The following FBXO47 variants were observed in gnomAD, a reference collection of about 807,000 sequenced individuals.
The protein encoded by FBXO47 is F-box protein 47.
Under a neutral mutation model 53.9 loss-of-function variants are expected in FBXO47, and 34 were observed. The observed-to-expected ratio is 0.63, with a 90% CI of 0.48 to 0.84. FBXO47 has a LOEUF of 0.84. Among genes scored for constraint, FBXO47 ranks in the 40% least tolerant of loss-of-function variants. The pLI, the probability that FBXO47 is intolerant of heterozygous loss-of-function variation, is 0.00. For missense variants in FBXO47, 485 were observed against 541.3 expected (o/e 0.90, Z 1.03); for synonymous variants, 165 against 181.6 (o/e 0.91, Z 0.73).
intron 5 of FBXO47, among the ~76,000 whole-genome samples, chr17:38,952,461 T>C (rs964581303): frequency 6.6e-6 from 1 of 152,076 alleles, no homozygotes; most frequent in African/African-American, 2.4e-5. Flanking sequence ...TAAACAAAAC[T>C]TGGGAAGCTC....
At chr17:38,956,040 G>A (rs371374184) in intron 4 of FBXO47, among the ~76,000 whole-genome samples, 42 of 150,918 alleles carry the variant, frequency 2.8e-4, no homozygotes, top group African/African-American at 8.0e-4. Context: ...GGAGGCTGAG[G>A]CAGGAGAATG....
chr17:38,942,366 G>A (rs1456893209), intron 9 of FBXO47, among the ~76,000 whole-genome samples: 3 of 152,020 alleles, frequency 2.0e-5, no homozygotes, highest in African/African-American at 4.8e-5. Context: ...AGGCCAAGGC[G>A]GGCAGATCAT....
intron 1 of FBXO47, among the ~76,000 whole-genome samples, chr17:38,966,023 A>C (rs932570589): frequency 6.6e-6 from 1 of 152,184 alleles, no homozygotes; most frequent in Admixed American, 6.5e-5. Context: ...TTTAACAAAA[A>C]AGAGGGATCA....
intron 5 of FBXO47, among the ~76,000 whole-genome samples, chr17:38,953,031 C>T (rs944695120): frequency 1.1e-4 from 16 of 150,678 alleles, no homozygotes; most frequent in African/African-American, 3.7e-4. Context: ...AATCCTAGCA[C>T]TTTGGGAGGC....
At chr17:38,965,634 G>A (rs1179913415) in intron 1 of FBXO47, among the ~76,000 whole-genome samples, 1 of 150,174 alleles carries the variant, frequency 6.7e-6, no homozygotes, top group Non-Finnish European at 1.5e-5. Flanking sequence ...AGCACTTTGG[G>A]AGGCTGAGGC....
chr17:38,957,656 T>C (rs751421885), intron 3 of FBXO47, among the ~76,000 whole-genome samples: 6 of 151,958 alleles, frequency 3.9e-5, no homozygotes, highest in African/African-American at 7.2e-5. Flanking sequence ...GTTTTAAGAG[T>C]TGTTAATCTA....
intron 5 of FBXO47, among the ~76,000 whole-genome samples, chr17:38,952,315 C>G (rs538094087): frequency 6.6e-6 from 1 of 152,224 alleles, no homozygotes; most frequent in African/African-American, 2.4e-5. Flanking sequence ...GACAGAAACT[C>G]TGTCTCAAAA....
Position 38,936,519 on chromosome 17 carries a change from A to C in FBXO47, c.*656T>G, listed in dbSNP as rs1407786043. On this transcript the variant is annotated 3_prime_UTR_variant, in exon 11 of 11. Transcript: ENST00000378079. ...GATGATTTGATTGCATTGAGACAAT[A>C]TATACCTTCCTGTATGTATAGACCT... The C allele has an allele frequency of 3.3e-5, 5 of 152,160 alleles. No individual in the cohort carries two copies. Among genetic ancestry groups the C allele is most frequent in the Non-Finnish European group, 7.4e-5 (5 of 68,024 alleles). The allele number at this position is 152,160 out of a possible 1,614,324, so 9.4% of individuals were successfully genotyped here. A position where few individuals can be genotyped will look rare whatever the true frequency, so the allele number is the denominator to read the frequency against.
chr17:38,943,736 C>T lies in FBXO47; in HGVS notation c.794G>A (p.Gly265Glu), dbSNP rs752151784. 3.1e-6 allele frequency: 5 copies of T among 1,599,316 alleles called. No individual in the cohort carries two copies. In the East Asian group the frequency reaches 1.1e-4, roughly 36 times the overall value. The change falls in exon 8 of 11, where the codon GGA (glycine) becomes GAA (glutamate). Residue 265 changes from glycine (G) to glutamate (E), a missense_variant and splice_region_variant. Gly to Glu is a moderately conservative substitution (Grantham distance 98, BLOSUM62 -2). Transcript: ENST00000378079. ...IIFGPISPQDGQVVWQEMIEE... is the reference protein window; with the variant it reads ...IIFGPISPQDEQVVWQEMIEE... ...TATCATTTCCTGCCAAACCACCTGT[C>T]CTGAATTGAAACAAAAACGAGGCTA...
At chr17:38,944,013 C>G (rs1249292018) in intron 7 of FBXO47, among the ~76,000 whole-genome samples, 1 of 151,016 alleles carries the variant, frequency 6.6e-6, no homozygotes, top group Non-Finnish European at 1.5e-5. Context: ...GAAACCCTGT[C>G]TCTACTAAAA....
intron 3 of FBXO47, among the ~76,000 whole-genome samples, chr17:38,959,366 T>C (rs1266342028): frequency 6.6e-6 from 1 of 151,878 alleles, no homozygotes; most frequent in Non-Finnish European, 1.5e-5. Context: ...GCAGATCACT[T>C]GAGGACAGGA....
chr17:38,954,138 C>T (rs1905439360), intron 5 of FBXO47, among the ~76,000 whole-genome samples: 2 of 151,866 alleles, frequency 1.3e-5, no homozygotes, highest in African/African-American at 4.8e-5. Flanking sequence ...ACTAAAAATA[C>T]AAACAAATAA....
At position 38,945,154 on chromosome 17, in the gene FBXO47, T is replaced by C. The variant is rs1417257852; in HGVS notation, c.617-18A>G. The C allele has an allele frequency of 8.9e-6, 14 of 1,570,356 alleles. No individual in the cohort carries two copies. Among genetic ancestry groups the C allele is most frequent in the East Asian group, 2.2e-5 (1 of 44,512 alleles). On this transcript the variant is annotated intron_variant, in intron 6 of 10. Transcript: ENST00000378079. Reference sequence around the variant, plus strand: ...GGCACTTCCTATGAAGACAAAAGAATTGTAAATCATTCTTCGTAGAAAGGC... The same window carrying C: ...GGCACTTCCTATGAAGACAAAAGAACTGTAAATCATTCTTCGTAGAAAGGC...
chr17:38,946,225 T>C (rs1356450625), intron 6 of FBXO47, among the ~76,000 whole-genome samples: 1 of 109,708 alleles, frequency 9.1e-6, no homozygotes, highest in Non-Finnish European at 1.6e-5. Flanking sequence ...AAAATATATA[T>C]AAATATATAC....
At position 38,962,000 on chromosome 17, in the gene FBXO47, G is replaced by T. The variant is rs750141493; in HGVS notation, c.229C>A (p.His77Asn). Residue 77 changes from histidine (H) to asparagine (N), a missense_variant, in exon 3 of 11, where the codon CAC (histidine) becomes AAC (asparagine). Coordinates refer to ENST00000378079, the MANE Select transcript of FBXO47 (RefSeq NM_001008777.3). Reference sequence around the variant, plus strand: ...GAGGTTGAGATATAATTAATAATGTGTTGGCTGACTGTTTTGGACACCATG... The same window carrying T: ...GAGGTTGAGATATAATTAATAATGTTTTGGCTGACTGTTTTGGACACCATG... ...LSMVSKTVSQ[H>N]IINYISTSSG... The T allele has an allele frequency of 6.2e-7, 1 of 1,613,816 alleles. No homozygotes were observed. The highest frequency in any genetic ancestry group is 1.3e-5 in the African/African-American group (1 of 75,030).
chr17:38,942,487 A>T (rs142729630), intron 9 of FBXO47, among the ~76,000 whole-genome samples: 4,908 of 152,160 alleles, frequency 0.032, 118 homozygotes, highest in Non-Finnish European at 0.051. Context: ...CCAGCTACTC[A>T]GGAGGCTGAG....
chr17:38,946,117 A>AATATATATTTATAT (rs1185965185), intron 6 of FBXO47, among the ~76,000 whole-genome samples: 6 of 111,432 alleles, frequency 5.4e-5, no homozygotes, highest in African/African-American at 1.9e-4. Context: ...TAAATACATA[A>AATATATATTTATAT]ATAAATATAT....
intron 6 of FBXO47, among the ~76,000 whole-genome samples, chr17:38,946,177 T>A (rs1169045127): frequency 6.1e-5 from 7 of 114,350 alleles, no homozygotes; most frequent in South Asian, 2.6e-4. Flanking sequence ...TATATAAAAA[T>A]ATATATAAAT....
chr17:38,947,053 C>CATATATAAAT (rs1249586951), intron 6 of FBXO47, among the ~76,000 whole-genome samples: 1 of 125,076 alleles, frequency 8.0e-6, no homozygotes, highest in African/African-American at 3.5e-5. Context: ...TATATAAAAA[C>CATATATAAAT]ATATATAAAT....
Sources: allele counts gnomAD v4.1 joint callset (sites outside exome capture counted in the v4.1 genomes callset), GRCh38; gene constraint gnomAD v4.1.1; transcripts MANE v1.5; gene names NCBI Gene and HGNC (gene_info 2026-07-23, HGNC 2026-07-21).